The following LONP2 variants were observed in gnomAD, a reference collection of about 807,000 sequenced individuals.
The protein encoded by LONP2 is lon peptidase 2, peroxisomal.
In LONP2, 60 loss-of-function variants were observed where a neutral mutation model predicts 85.6. The observed-to-expected ratio is 0.70, with a 90% CI of 0.57 to 0.87. The LOEUF (loss-of-function observed/expected upper bound fraction) is 0.87. LONP2 is among the 40% of genes least tolerant of loss of function. LONP2 has a pLI of 0.00. For missense variants in LONP2, 860 were observed against 1,063.5 expected, an observed-to-expected ratio of 0.81 and a Z score of 2.66; for synonymous variants, 395 against 389.7, an observed-to-expected ratio of 1.01 and a Z score of -0.16.
At chr16:48,315,556 C>T (rs1356055975) in intron 11 of LONP2, among the ~76,000 whole-genome samples, 1 of 152,168 alleles carries the variant, frequency 6.6e-6, no homozygotes, top group East Asian at 1.9e-4. Context: ...CTTCAGGAAC[C>T]TAAGAGCAAC....
intron 11 of LONP2, among the ~76,000 whole-genome samples, chr16:48,308,375 T>G: frequency 6.6e-6 from 1 of 151,970 alleles, no homozygotes; most frequent in East Asian, 1.9e-4. Context: ...ACCTGTAATC[T>G]CAGCACTTTG....
At chr16:48,358,057 CAA>C (rs1447052650), downstream of LONP2, among the ~76,000 whole-genome samples, 2 of 152,148 alleles carry the variant, frequency 1.3e-5, no homozygotes, top group Non-Finnish European at 2.9e-5. Context: ...AATTTCAGGA[CAA>C]GAGTTATGCC....
At chr16:48,253,175 T>C (rs936298185) in intron 2 of LONP2, among the ~76,000 whole-genome samples, 2 of 151,778 alleles carry the variant, frequency 1.3e-5, no homozygotes, top group Non-Finnish European at 2.9e-5. Context: ...AACAGAAAAA[T>C]AGTAAATTTG....
rs1402275999 is a variant in LONP2 at position 48,353,936 on chromosome 16, C to A, written c.*2134C>A. 1.3e-5 allele frequency: 2 copies of A among 151,778 alleles called. No individual in the cohort carries two copies. The highest frequency in any genetic ancestry group is 2.9e-5 in the Non-Finnish European group (2 of 67,978). 9.4% of individuals were successfully genotyped at this position (151,778 alleles called of 1,614,324 possible). ...TCCATTGAGAGAATAATGCATTCTC[C>A]CCTTGCTGTGTATGACATGGAACAG... On this transcript the variant is annotated 3_prime_UTR_variant, in exon 15 of 15. Transcript: ENST00000285737.
rs1290869481 is a variant in LONP2, at chr16:48,356,831, C to T, written c.*5029C>T. 1 of 212,318 alleles carries T rather than the reference C, an allele frequency of 4.7e-6. No individual in the cohort carries two copies. Among genetic ancestry groups the T allele is most frequent in the Non-Finnish European group, 9.9e-6 (1 of 100,754 alleles). 13.2% of individuals were successfully genotyped at this position (212,318 alleles called of 1,614,324 possible). On this transcript the variant is annotated 3_prime_UTR_variant, in exon 15 of 15. Coordinates refer to ENST00000285737, the MANE Select transcript of LONP2 (RefSeq NM_031490.5). ...ATACTGTAGTTTGTACTTAATGACA[C>T]TGTCAGCACATTTCTAGGCAATACA...
chr16:48,361,955 T>G (rs1304182008), downstream of LONP2: 4 of 1,614,030 alleles, frequency 2.5e-6, no homozygotes, highest in African/African-American at 4.0e-5. Context: ...CCTCTCCCTG[T>G]AGGGTTGTAA....
intron 11 of LONP2, among the ~76,000 whole-genome samples, chr16:48,305,693 T>C (rs1972898813): frequency 1.3e-5 from 2 of 152,192 alleles, no homozygotes; most frequent in African/African-American, 2.4e-5. Flanking sequence ...CATCAACTTG[T>C]TGTTCTCTAT....
chr16:48,351,034 G>A (rs1339000097), intron 14 of LONP2, among the ~76,000 whole-genome samples: 2 of 152,146 alleles, frequency 1.3e-5, no homozygotes, highest in East Asian at 1.9e-4. Flanking sequence ...GTTTCTTACC[G>A]AGTCACAAAG....
chr16:48,259,770 A>G (rs1971837712), intron 4 of LONP2, among the ~76,000 whole-genome samples: 1 of 152,210 alleles, frequency 6.6e-6, no homozygotes, highest in Non-Finnish European at 1.5e-5. Flanking sequence ...TGTTTAAAAC[A>G]TGCAGAAAGC....
intron 8 of LONP2, among the ~76,000 whole-genome samples, chr16:48,289,405 A>G (rs1204739502): frequency 3.3e-5 from 5 of 152,176 alleles, no homozygotes; most frequent in African/African-American, 1.2e-4. Context: ...ACAGGTAGAT[A>G]AGAGACAAAC....
intron 8 of LONP2, among the ~76,000 whole-genome samples, chr16:48,289,895 A>G (rs866139315): frequency 3.3e-5 from 5 of 152,206 alleles, no homozygotes; most frequent in Admixed American, 6.5e-5. Context: ...GTTATTATGC[A>G]TCATATCTTA....
intron 1 of LONP2, among the ~76,000 whole-genome samples, chr16:48,248,918 A>G (rs1280130788): frequency 6.6e-6 from 1 of 151,066 alleles, no homozygotes; most frequent in Admixed American, 6.6e-5. Context: ...AGTGCTGGGC[A>G]TATAGGCTGG....
chr16:48,255,420 G>C (rs1008471425), intron 2 of LONP2, among the ~76,000 whole-genome samples: 5 of 152,180 alleles, frequency 3.3e-5, no homozygotes, highest in Non-Finnish European at 7.3e-5. Context: ...ATATTCGAAG[G>C]AAGTTAGAAA....
downstream of LONP2, among the ~76,000 whole-genome samples, chr16:48,358,058 A>G (rs868780531): frequency 6.6e-5 from 10 of 152,242 alleles, no homozygotes; most frequent in South Asian, 2.1e-3. Context: ...ATTTCAGGAC[A>G]AGAGTTATGC....
chr16:48,343,111 G>A (rs1959863679), intron 12 of LONP2, among the ~76,000 whole-genome samples: 1 of 152,214 alleles, frequency 6.6e-6, no homozygotes, highest in South Asian at 2.1e-4. Flanking sequence ...AACTGCTCCT[G>A]TGTCTGATGC....
chr16:48,266,647 T>C (rs989135325), intron 6 of LONP2, among the ~76,000 whole-genome samples: 16 of 152,194 alleles, frequency 1.1e-4, no homozygotes, highest in Admixed American at 8.5e-4. Flanking sequence ...TCAGCATGAT[T>C]ATTTTGAGGT....
At chr16:48,324,214 A>C (rs552782246) in intron 11 of LONP2, among the ~76,000 whole-genome samples, 4 of 152,312 alleles carry the variant, frequency 2.6e-5, no homozygotes, top group African/African-American at 9.6e-5. Context: ...TAAGAAAGCC[A>C]CTCGAAATCT....
At chr16:48,246,979 G>A (rs1372796825) in intron 1 of LONP2, among the ~76,000 whole-genome samples, 1 of 22,718 alleles carries the variant, frequency 4.4e-5, no homozygotes, top group Non-Finnish European at 8.7e-5. Flanking sequence ...GATCCTTGAT[G>A]TTCATATTAT....
chr16:48,251,828 T>A (rs1971656959), intron 1 of LONP2, among the ~76,000 whole-genome samples: 1 of 152,236 alleles, frequency 6.6e-6, no homozygotes, highest in Non-Finnish European at 1.5e-5. Context: ...ATTTAAGATA[T>A]GTAATTCTCA....
Sources: gnomAD v4.1 joint callset for allele counts (sites outside exome capture counted in the v4.1 genomes callset) on GRCh38, gnomAD v4.1.1 for gene constraint, MANE v1.5 for transcripts, NCBI Gene and HGNC (gene_info 2026-07-23, HGNC 2026-07-21) for gene names.